The following ERBB4 variants were observed in gnomAD, a reference collection of about 807,000 sequenced individuals.
ERBB4 encodes erb-b2 receptor tyrosine kinase 4, also known as receptor tyrosine-protein kinase erbB-4.
ERBB4 carries 42 observed loss-of-function variants against 158.0 expected under a neutral mutation model. The observed-to-expected ratio is 0.27, with a 90% confidence interval of 0.21 to 0.34. The LOEUF (loss-of-function observed/expected upper bound fraction) is 0.34, where lower values mean the gene tolerates loss of function less well. Ranked by LOEUF, ERBB4 falls within the 10% of genes least tolerant of loss-of-function variation. The pLI, the probability that ERBB4 is intolerant of heterozygous loss-of-function variation, is 1.00. For synonymous variants in ERBB4, 583 were observed against 558.7 expected (o/e 1.04, Z -0.61); for missense variants, 1,333 against 1,624.1 (o/e 0.82, Z 3.08).
At chr2:212,470,739 A>T (rs1689075740) in intron 1 of ERBB4, among the ~76,000 whole-genome samples, 1 of 152,020 alleles carries the variant, frequency 6.6e-6, no homozygotes, top group Admixed American at 6.6e-5. Flanking sequence ...GGTAACTTCA[A>T]CCCTTTGGGG....
intron 3 of ERBB4, among the ~76,000 whole-genome samples, chr2:211,880,320 A>T (rs1160870643): frequency 6.6e-6 from 1 of 152,164 alleles, no homozygotes; most frequent in East Asian, 1.9e-4. Flanking sequence ...GGAATTTACC[A>T]CTATGTGGTA....
chr2:212,095,319 T>C (rs562910634), intron 2 of ERBB4, among the ~76,000 whole-genome samples: 218 of 152,344 alleles, frequency 1.4e-3, no homozygotes, highest in African/African-American at 5.1e-3. Flanking sequence ...CTGGCTGATT[T>C]GCTATATGCC....
chr2:211,851,370 G>T (rs895197973), intron 3 of ERBB4, among the ~76,000 whole-genome samples: 1 of 151,766 alleles, frequency 6.6e-6, no homozygotes, highest in African/African-American at 2.4e-5. Flanking sequence ...AAATTAAATT[G>T]GCTTAATCCA....
At chr2:212,462,706 A>G (rs1295693620) in intron 1 of ERBB4, among the ~76,000 whole-genome samples, 1 of 152,146 alleles carries the variant, frequency 6.6e-6, no homozygotes, top group Non-Finnish European at 1.5e-5. Context: ...GCTCCTCAAA[A>G]AAGTAAAGAT....
intron 1 of ERBB4, among the ~76,000 whole-genome samples, chr2:212,310,292 A>G (rs1375430711): frequency 2.0e-5 from 3 of 150,712 alleles, no homozygotes; most frequent in Non-Finnish European, 4.5e-5. Context: ...ATTATACTCT[A>G]TTGTTCAAGA....
intron 20 of ERBB4, among the ~76,000 whole-genome samples, chr2:211,455,811 C>G (rs915528614): frequency 6.6e-6 from 1 of 152,152 alleles, no homozygotes; most frequent in East Asian, 1.9e-4. Context: ...CGTGTCCTCT[C>G]AAATGCTCCA....
chr2:212,131,558 T>A (rs2080108165), intron 1 of ERBB4, among the ~76,000 whole-genome samples: 1 of 152,170 alleles, frequency 6.6e-6, no homozygotes, highest in Admixed American at 6.6e-5. Context: ...CACTTTGGGC[T>A]CCTCATTCCT....
intron 16 of ERBB4, 28 bp from the exon 17 acceptor site, chr2:211,630,622 A>T (rs1427636007): frequency 6.3e-7 from 1 of 1,586,108 alleles, no homozygotes; most frequent in South Asian, 1.1e-5. Flanking sequence ...AAAAAAAAAA[A>T]TAAAAAGTAT....
intron 2 of ERBB4, among the ~76,000 whole-genome samples, chr2:211,969,874 C>T (rs927775625): frequency 2.6e-5 from 4 of 151,500 alleles, no homozygotes; most frequent in African/African-American, 9.7e-5. Flanking sequence ...GAATGTTTTT[C>T]ATGTCTCTCT....
intron 12 of ERBB4, among the ~76,000 whole-genome samples, chr2:211,679,972 G>C (rs1428771782): frequency 2.0e-5 from 3 of 152,086 alleles, no homozygotes; most frequent in African/African-American, 7.2e-5. Flanking sequence ...GAGGCACTGC[G>C]CCAACCAAAA....
intron 5 of ERBB4, among the ~76,000 whole-genome samples, chr2:211,732,909 G>A (rs1039701132): frequency 8.5e-5 from 13 of 152,246 alleles, no homozygotes; most frequent in South Asian, 2.1e-4. Flanking sequence ...CCCGGGAGGC[G>A]GAGGTTGCAG....
intron 2 of ERBB4, among the ~76,000 whole-genome samples, chr2:212,111,883 T>C (rs1182057244): frequency 6.6e-6 from 1 of 152,164 alleles, no homozygotes; most frequent in Non-Finnish European, 1.5e-5. Context: ...ACAACCTTTT[T>C]TTTTTGCACT....
chr2:212,228,881 T>C (rs2083567986), intron 1 of ERBB4, among the ~76,000 whole-genome samples: 1 of 152,212 alleles, frequency 6.6e-6, no homozygotes, highest in African/African-American at 2.4e-5. Context: ...GACAATAAAT[T>C]TCAACAAATT....
At chr2:211,552,022 G>A (rs899766846) in intron 20 of ERBB4, among the ~76,000 whole-genome samples, 28 of 152,210 alleles carry the variant, frequency 1.8e-4, no homozygotes, top group Admixed American at 8.5e-4. Flanking sequence ...TGTGAACCAC[G>A]TTTTTAATGT....
At chr2:212,179,867 T>TTTTTCTCAC (rs1453171387) in intron 1 of ERBB4, among the ~76,000 whole-genome samples, 14 of 151,792 alleles carry the variant, frequency 9.2e-5, no homozygotes, top group Non-Finnish European at 1.8e-4. Context: ...TTTCTCACAT[T>TTTTTCTCAC]ATTTATTTTT....
chr2:212,313,252 C>A (rs561130173), intron 1 of ERBB4, among the ~76,000 whole-genome samples: 11 of 150,770 alleles, frequency 7.3e-5, no homozygotes, highest in Non-Finnish European at 1.3e-4. Flanking sequence ...ATAAACATTC[C>A]AGAGAATACC....
At chr2:211,506,077 A>G (rs897898796) in intron 20 of ERBB4, among the ~76,000 whole-genome samples, 5 of 152,134 alleles carry the variant, frequency 3.3e-5, no homozygotes, top group Non-Finnish European at 5.9e-5. Context: ...CTTAAAGTAA[A>G]GGGGTAGAAA....
At chr2:211,511,366 T>C (rs1464812271) in intron 20 of ERBB4, among the ~76,000 whole-genome samples, 2 of 152,072 alleles carry the variant, frequency 1.3e-5, no homozygotes, top group African/African-American at 4.8e-5. Flanking sequence ...TTACATAGCA[T>C]GATTATATAC....
intron 15 of ERBB4, among the ~76,000 whole-genome samples, chr2:211,661,104 T>C (rs1048849984): frequency 6.6e-6 from 1 of 151,928 alleles, no homozygotes; most frequent in African/African-American, 2.4e-5. Flanking sequence ...GTTGAGGGGA[T>C]TGTGTAGGAT....
Sources: allele counts gnomAD v4.1 joint callset (sites outside exome capture counted in the v4.1 genomes callset), GRCh38; gene constraint gnomAD v4.1.1; transcripts MANE v1.5; gene names NCBI Gene and HGNC (gene_info 2026-07-23, HGNC 2026-07-21).